The following LRRTM4 variants were observed in gnomAD, a reference collection of about 807,000 sequenced individuals.
LRRTM4 encodes leucine rich repeat transmembrane neuronal 4.
LRRTM4 carries 25 observed loss-of-function variants against 47.6 expected under a neutral mutation model. The observed-to-expected ratio is 0.53, with a 90% CI of 0.38 to 0.73. The LOEUF is 0.73. Among genes scored for constraint, LRRTM4 ranks in the 30% least tolerant of loss-of-function variants. The pLI is 0.00. For missense variants in LRRTM4, 638 were observed against 713.4 expected (o/e 0.89, Z 1.20); for synonymous variants, 311 against 269.5 (o/e 1.15, Z -1.51).
chr2:77,092,330 G>C (rs1272475828), intron 3 of LRRTM4, among the ~76,000 whole-genome samples: 1 of 151,322 alleles, frequency 6.6e-6, no homozygotes, highest in Non-Finnish European at 1.5e-5. Flanking sequence ...CTTCTTTCCT[G>C]TTCCTCACCC....
At chr2:77,446,012 C>G (rs183680040) in intron 3 of LRRTM4, among the ~76,000 whole-genome samples, 1 of 151,980 alleles carries the variant, frequency 6.6e-6, no homozygotes, top group African/African-American at 2.4e-5. Flanking sequence ...AAATATGGAG[C>G]ATGTTCTGAG....
chr2:77,436,204 C>A (rs970875719), intron 3 of LRRTM4, among the ~76,000 whole-genome samples: 1 of 152,042 alleles, frequency 6.6e-6, no homozygotes, highest in African/African-American at 2.4e-5. Context: ...ATGCCCAAAG[C>A]AATGACTAAA....
intron 3 of LRRTM4, among the ~76,000 whole-genome samples, chr2:77,399,168 T>A (rs75753987): frequency 7.7e-6 from 1 of 130,270 alleles, no homozygotes; most frequent in East Asian, 2.1e-4. Context: ...ACAGCAGGGC[T>A]TTTTTTTTTT....
chr2:76,957,623 TTA>T (rs1413489883), intron 3 of LRRTM4, among the ~76,000 whole-genome samples: 1 of 151,754 alleles, frequency 6.6e-6, no homozygotes, highest in African/African-American at 2.4e-5. Context: ...CAAACTTGGA[TTA>T]TCATATTTGA....
intron 3 of LRRTM4, among the ~76,000 whole-genome samples, chr2:76,908,534 G>A (rs1294548078): frequency 1.3e-5 from 2 of 152,008 alleles, no homozygotes; most frequent in Non-Finnish European, 2.9e-5. Flanking sequence ...ATTCAATTAA[G>A]AAAAGAGGAA....
At chr2:77,063,256 C>A (rs1046678223) in intron 3 of LRRTM4, among the ~76,000 whole-genome samples, 1 of 152,190 alleles carries the variant, frequency 6.6e-6, no homozygotes, top group Admixed American at 6.5e-5. Flanking sequence ...CTGCGCCCGG[C>A]CTCCCCTTGT....
intron 3 of LRRTM4, among the ~76,000 whole-genome samples, chr2:77,434,087 T>C (rs913638766): frequency 4.6e-5 from 7 of 152,118 alleles, no homozygotes; most frequent in Non-Finnish European, 8.8e-5. Context: ...GGTCTAGATG[T>C]GAGATTGCCC....
intron 3 of LRRTM4, among the ~76,000 whole-genome samples, chr2:77,287,936 A>G (rs998005963): frequency 8.5e-5 from 13 of 152,156 alleles, no homozygotes; most frequent in Admixed American, 3.9e-4. Context: ...AAGGGGCACT[A>G]CTGTATACAA....
chr2:76,750,892 C>A (rs1340064667), intron 3 of LRRTM4, among the ~76,000 whole-genome samples: 1 of 152,100 alleles, frequency 6.6e-6, no homozygotes, highest in Non-Finnish European at 1.5e-5. Flanking sequence ...TAGATTAAAG[C>A]AATGTTTTCT....
At chr2:77,152,100 C>T (rs1672446028) in intron 3 of LRRTM4, among the ~76,000 whole-genome samples, 1 of 152,076 alleles carries the variant, frequency 6.6e-6, no homozygotes, top group Non-Finnish European at 1.5e-5. Context: ...TGGCTTTATG[C>T]CACCTTCACC....
At chr2:77,194,179 T>C (rs1460990951) in intron 3 of LRRTM4, among the ~76,000 whole-genome samples, 1 of 152,042 alleles carries the variant, frequency 6.6e-6, no homozygotes, top group Admixed American at 6.6e-5. Context: ...TCTAAGAAAA[T>C]ATGACTATAT....
intron 3 of LRRTM4, among the ~76,000 whole-genome samples, chr2:76,997,955 A>T (rs1677262208): frequency 6.6e-6 from 1 of 152,004 alleles, no homozygotes; most frequent in African/African-American, 2.4e-5. Flanking sequence ...ACGCCTGATG[A>T]TGTTACTGTC....
At chr2:77,198,459 A>T (rs552805249) in intron 3 of LRRTM4, among the ~76,000 whole-genome samples, 1 of 152,308 alleles carries the variant, frequency 6.6e-6, no homozygotes, top group Non-Finnish European at 1.5e-5. Context: ...CATTTTAAGT[A>T]CAATGTAGTC....
At chr2:76,791,608 T>C (rs1488219044) in intron 3 of LRRTM4, among the ~76,000 whole-genome samples, 1 of 152,140 alleles carries the variant, frequency 6.6e-6, no homozygotes, top group African/African-American at 2.4e-5. Context: ...GGAAACACAG[T>C]AAATGCTTCA....
chr2:77,242,926 G>T (rs763563898), intron 3 of LRRTM4, among the ~76,000 whole-genome samples: 183 of 152,214 alleles, frequency 1.2e-3, no homozygotes, highest in Non-Finnish European at 1.1e-3. Context: ...ATACACCCGT[G>T]TTCATAGCAG....
chr2:77,132,562 G>A (rs149496934), intron 3 of LRRTM4, among the ~76,000 whole-genome samples: 260 of 152,254 alleles, frequency 1.7e-3, no homozygotes, highest in African/African-American at 5.8e-3. Context: ...TTCAGTGTTT[G>A]GTGAGGACCC....
chr2:77,393,109 T>TATTACAG (rs1414214571), intron 3 of LRRTM4, among the ~76,000 whole-genome samples: 1 of 152,056 alleles, frequency 6.6e-6, no homozygotes, highest in East Asian at 1.9e-4. Context: ...TTCGTAATTC[T>TATTACAG]CTTTTTTCAT....
intron 3 of LRRTM4, among the ~76,000 whole-genome samples, chr2:77,085,030 A>G (rs1421815593): frequency 4.6e-5 from 7 of 152,186 alleles, no homozygotes; most frequent in African/African-American, 1.7e-4. Context: ...ATGGATGTCA[A>G]CATTTCAACT....
intron 3 of LRRTM4, among the ~76,000 whole-genome samples, chr2:77,173,496 C>T (rs942157456): frequency 6.6e-6 from 1 of 152,092 alleles, no homozygotes; most frequent in Non-Finnish European, 1.5e-5. Flanking sequence ...CCTGCCTGAG[C>T]CCTGAAGATT....
Sources: gnomAD v4.1 joint callset for allele counts (sites outside exome capture counted in the v4.1 genomes callset) on GRCh38, gnomAD v4.1.1 for gene constraint, MANE v1.5 for transcripts, NCBI Gene and HGNC (gene_info 2026-07-23, HGNC 2026-07-21) for gene names.